The following PLCH1 variants were observed in gnomAD, a reference collection of about 807,000 sequenced individuals.
PLCH1 encodes 1-phosphatidylinositol 4,5-bisphosphate phosphodiesterase eta-1.
A neutral mutation model predicts 126.7 loss-of-function variants in PLCH1; 60 were observed. The ratio of observed to expected loss-of-function variants is 0.47; its 90% CI spans 0.38 to 0.59. The LOEUF (loss-of-function observed/expected upper bound fraction) is 0.59. PLCH1 is among the 20% of genes least tolerant of loss of function. PLCH1 has a pLI of 0.00. For missense variants in PLCH1, 1,723 were observed against 2,040.0 expected, an observed-to-expected ratio of 0.84 and a Z score of 2.99; for synonymous variants, 719 against 734.9, an observed-to-expected ratio of 0.98 and a Z score of 0.35.
At chr3:155,497,797 C>T (rs905552415) in intron 14 of PLCH1, among the ~76,000 whole-genome samples, 8 of 152,176 alleles carry the variant, frequency 5.3e-5, no homozygotes, top group Non-Finnish European at 1.2e-4. Flanking sequence ...TCACTGCAAC[C>T]TCTGCCTCCC....
intron 10 of PLCH1, among the ~76,000 whole-genome samples, chr3:155,532,856 CT>C (rs1442842904): frequency 4.6e-5 from 7 of 152,170 alleles, no homozygotes; most frequent in African/African-American, 1.7e-4. Flanking sequence ...GAGTCGGGTA[CT>C]GCTATACAGA....
At chr3:155,484,822 C>T (rs910726432) in intron 22 of PLCH1, among the ~76,000 whole-genome samples, 2 of 152,226 alleles carry the variant, frequency 1.3e-5, no homozygotes, top group African/African-American at 2.4e-5. Flanking sequence ...ACACCTCTAT[C>T]TCTGTCAGCA....
At chr3:155,605,974 A>G (rs982846071) in intron 2 of PLCH1, among the ~76,000 whole-genome samples, 1 of 152,224 alleles carries the variant, frequency 6.6e-6, no homozygotes, top group African/African-American at 2.4e-5. Flanking sequence ...GGAGGGAAAA[A>G]AAAAAGAAGG....
chr3:155,622,855 G>A lies in PLCH1; in HGVS notation c.80-26477C>T, dbSNP rs572903017. 2.6e-5 allele frequency among the ~76,000 whole-genome samples: 4 copies of A among 152,226 alleles called. No homozygotes were observed. In the South Asian group the frequency reaches 6.2e-4, roughly 24 times the overall value. On this transcript the variant is annotated intron_variant, in intron 2 of 22. Coordinates refer to ENST00000460012, the MANE Select transcript of PLCH1 (RefSeq NM_014996.4). ...CACTGTCAATATTAGACAGATCAAT[G>A]ACACAGAAAATAAACAAGTGTATCC...
intron 1 of PLCH1, among the ~76,000 whole-genome samples, chr3:155,736,364 T>C (rs1463723794): frequency 6.6e-6 from 1 of 152,236 alleles, no homozygotes; most frequent in Non-Finnish European, 1.5e-5. Flanking sequence ...GCCTTTTCTC[T>C]TTTTCCATTT....
chr3:155,468,835 A>G (rs1386383090), intron 21 of PLCH1, among the ~76,000 whole-genome samples: 1 of 152,220 alleles, frequency 6.6e-6, no homozygotes, highest in South Asian at 2.1e-4. Context: ...AGACATCAAC[A>G]CTCCACTTTC....
At chr3:155,731,752 G>A (rs867492286) in intron 1 of PLCH1, among the ~76,000 whole-genome samples, 10 of 152,100 alleles carry the variant, frequency 6.6e-5, no homozygotes, top group Admixed American at 2.0e-4. Flanking sequence ...GAAAGTCAAG[G>A]CAAGCATATA....
intron 21 of PLCH1, among the ~76,000 whole-genome samples, chr3:155,470,402 G>A (rs1380820332): frequency 6.6e-6 from 1 of 152,122 alleles, no homozygotes; most frequent in African/African-American, 2.4e-5. Context: ...AACGAGTAAA[G>A]CCTCCAAGAA....
At chr3:155,661,021 T>G (rs890488602) in intron 2 of PLCH1, among the ~76,000 whole-genome samples, 1 of 152,218 alleles carries the variant, frequency 6.6e-6, no homozygotes, top group Admixed American at 6.5e-5. Flanking sequence ...AGTATTGTCC[T>G]CTGCCAAATT....
At chr3:155,632,235 C>T (rs1738137728) in intron 2 of PLCH1, among the ~76,000 whole-genome samples, 1 of 152,148 alleles carries the variant, frequency 6.6e-6, no homozygotes, top group African/African-American at 2.4e-5. Context: ...GTGGAAACTC[C>T]ATAGAATCAG....
At chr3:155,739,203 T>C (rs747661394) in intron 1 of PLCH1, among the ~76,000 whole-genome samples, 1 of 152,210 alleles carries the variant, frequency 6.6e-6, no homozygotes, top group African/African-American at 2.4e-5. Flanking sequence ...AATTCTCATC[T>C]CCAGTTTGAA....
chr3:155,518,395 G>T (rs11922945), intron 11 of PLCH1, among the ~76,000 whole-genome samples: 11,866 of 152,050 alleles, frequency 0.078, 1,030 homozygotes, highest in African/African-American at 0.22. Context: ...CAAACACACA[G>T]GCCTATGAAA....
At chr3:155,455,147 G>A (rs942798542) in intron 21 of PLCH1, among the ~76,000 whole-genome samples, 2 of 152,134 alleles carry the variant, frequency 1.3e-5, no homozygotes, top group African/African-American at 4.8e-5. Context: ...ACCGGAATGT[G>A]ATGAACTAGG....
At chr3:155,588,322 G>A (rs952285642) in intron 4 of PLCH1, among the ~76,000 whole-genome samples, 1 of 152,058 alleles carries the variant, frequency 6.6e-6, no homozygotes, top group Non-Finnish European at 1.5e-5. Flanking sequence ...CAGATCTGGG[G>A]GGAAAGTAAC....
intron 21 of PLCH1, among the ~76,000 whole-genome samples, chr3:155,466,570 A>G (rs1338937210): frequency 6.6e-6 from 1 of 152,198 alleles, no homozygotes; most frequent in Non-Finnish European, 1.5e-5. Flanking sequence ...CTGATTTTTC[A>G]ATGCTCAGAC....
intron 2 of PLCH1, among the ~76,000 whole-genome samples, chr3:155,652,064 T>C (rs895065681): frequency 5.9e-5 from 9 of 152,216 alleles, no homozygotes; most frequent in South Asian, 2.1e-4. Flanking sequence ...GTTCGAATCA[T>C]CTGAAATGAG....
chr3:155,650,822 G>A (rs1361057978), intron 2 of PLCH1, among the ~76,000 whole-genome samples: 17 of 152,190 alleles, frequency 1.1e-4, no homozygotes, highest in Admixed American at 1.1e-3. Flanking sequence ...TGGATTACCT[G>A]AGGTCAGGAG....
intron 21 of PLCH1, among the ~76,000 whole-genome samples, chr3:155,465,923 G>A (rs534600277): frequency 6.6e-6 from 1 of 152,300 alleles, no homozygotes; most frequent in Non-Finnish European, 1.5e-5. Context: ...GAAGAGGAGT[G>A]GGAAGGACTG....
chr3:155,471,537 G>A (rs1335610099), intron 21 of PLCH1, among the ~76,000 whole-genome samples: 1 of 145,782 alleles, frequency 6.9e-6, no homozygotes, highest in Non-Finnish European at 1.5e-5. Flanking sequence ...AAGTCAACAA[G>A]GATACCCAGG....
Sources: allele counts gnomAD v4.1 joint callset (sites outside exome capture counted in the v4.1 genomes callset), GRCh38; gene constraint gnomAD v4.1.1; transcripts MANE v1.5; gene names NCBI Gene and HGNC (gene_info 2026-07-23, HGNC 2026-07-21).